The following KCNH8 variants were observed in gnomAD, a reference collection of about 807,000 sequenced individuals.
KCNH8 encodes the protein potassium voltage-gated channel subfamily H member 8.
KCNH8 carries 70 observed loss-of-function variants against 103.6 expected under a neutral mutation model. The ratio of observed to expected loss-of-function variants is 0.68; its 90% confidence interval spans 0.56 to 0.82. The LOEUF (loss-of-function observed/expected upper bound fraction) is 0.82, where lower values mean the gene tolerates loss of function less well. Among genes scored for constraint, KCNH8 ranks in the 40% least tolerant of loss-of-function variants. The probability of loss-of-function intolerance (pLI) is 0.00; values close to 1 mark genes in which losing one functional copy is unlikely to be tolerated. For synonymous variants in KCNH8, 498 were observed against 489.4 expected (o/e 1.02, Z -0.23); for missense variants, 1,217 against 1,329.9 (o/e 0.92, Z 1.32).
In KCNH8 at chr3:19,370,756, C is replaced by G. The variant is rs369416414; in HGVS notation, c.812-19725C>G. ...GTATATCTCCCAATGCTATCCCTCC[C>G]ACCTCCCCCCACCCAACAACAGTCC... On this transcript the variant is annotated intron_variant, in intron 5 of 15. Coordinates refer to ENST00000328405, the MANE Select transcript of KCNH8 (RefSeq NM_144633.3). 4.7e-5 allele frequency among the ~76,000 whole-genome samples: 7 copies of G among 149,540 alleles called. No individual in the cohort carries two copies. In the South Asian group the frequency reaches 6.5e-4, roughly 14 times the overall value.
intron 3 of KCNH8, among the ~76,000 whole-genome samples, chr3:19,285,654 A>G (rs575736060): frequency 6.6e-6 from 1 of 151,940 alleles, no homozygotes; most frequent in East Asian, 1.9e-4. Context: ...TATTATTCCT[A>G]TTCCCATTTA....
At chr3:19,327,370 G>C (rs754423364) in intron 3 of KCNH8, among the ~76,000 whole-genome samples, 14 of 152,132 alleles carry the variant, frequency 9.2e-5, no homozygotes, top group Admixed American at 1.3e-4. Context: ...GCTCACTGCA[G>C]CCTTCGTCTC....
chr3:19,323,776 C>T (rs75060411), intron 3 of KCNH8, among the ~76,000 whole-genome samples: 34 of 152,190 alleles, frequency 2.2e-4, no homozygotes, highest in Non-Finnish European at 3.4e-4. Context: ...ATTTCTCTTC[C>T]GGATCTAGCC....
chr3:19,499,746 T>A (rs2068532915), intron 11 of KCNH8, among the ~76,000 whole-genome samples: 1 of 152,030 alleles, frequency 6.6e-6, no homozygotes, highest in African/African-American at 2.4e-5. Flanking sequence ...GCTCAGAGAT[T>A]TTTGTCACCA....
At chr3:19,244,378 A>G (rs141094502) in intron 1 of KCNH8, among the ~76,000 whole-genome samples, 1 of 152,318 alleles carries the variant, frequency 6.6e-6, no homozygotes, top group East Asian at 1.9e-4. Context: ...TGTCTTTGCT[A>G]TTGTGCATAG....
At chr3:19,258,961 A>C (rs1244875385) in intron 2 of KCNH8, among the ~76,000 whole-genome samples, 115 of 132,340 alleles carry the variant, frequency 8.7e-4, no homozygotes, top group African/African-American at 1.4e-3. Flanking sequence ...ATATATATAT[A>C]TATATATATA....
chr3:19,261,215 A>C (rs1006944239), intron 2 of KCNH8, among the ~76,000 whole-genome samples: 1 of 151,638 alleles, frequency 6.6e-6, no homozygotes, highest in Non-Finnish European at 1.5e-5. Flanking sequence ...CATTCCTACC[A>C]ACAGTTTAGA....
At chr3:19,284,625 A>G (rs2064805444) in intron 3 of KCNH8, among the ~76,000 whole-genome samples, 1 of 151,262 alleles carries the variant, frequency 6.6e-6, no homozygotes, top group Non-Finnish European at 1.5e-5. Context: ...CTTTAAAACT[A>G]CCTTCTTTTT....
intron 7 of KCNH8, among the ~76,000 whole-genome samples, chr3:19,423,047 G>A (rs1452764886): frequency 6.6e-6 from 1 of 152,030 alleles, no homozygotes; most frequent in African/African-American, 2.4e-5. Context: ...GATCCACAAT[G>A]ATTAGAAATT....
chr3:19,390,722 A>G, intron 6 of KCNH8, 84 bp downstream of exon 6: 2 of 1,354,454 alleles, frequency 1.5e-6, no homozygotes, highest in Non-Finnish European at 2.0e-6. Flanking sequence ...GTGGCGATTT[A>G]TGCTTCCAGG....
chr3:19,499,135 T>C (rs955099101), intron 11 of KCNH8, among the ~76,000 whole-genome samples: 1 of 151,902 alleles, frequency 6.6e-6, no homozygotes, highest in Non-Finnish European at 1.5e-5. Context: ...GAGAACTACG[T>C]GAGGAATGCA....
At chr3:19,395,902 T>C (rs939860498) in intron 7 of KCNH8, among the ~76,000 whole-genome samples, 1 of 151,942 alleles carries the variant, frequency 6.6e-6, no homozygotes, top group African/African-American at 2.4e-5. Flanking sequence ...ACATAGGAGT[T>C]TAAGGGAGAT....
chr3:19,513,205 C>T lies in KCNH8; in HGVS notation c.2315C>T (p.Ser772Leu). 3 of 1,613,822 alleles carry T rather than the reference C, an allele frequency of 1.9e-6. No homozygotes were observed. Among genetic ancestry groups the T allele is most frequent in the Non-Finnish European group, 2.5e-6 (3 of 1,179,928 alleles). The change falls in exon 13 of 16, where the codon TCA (serine) becomes TTA (leucine). Residue 772 changes from serine (S) to leucine (L), a missense_variant. By Grantham distance (145) the Ser-to-Leu change is moderately radical. Transcript: ENST00000328405. ...CACTCGCCTATCAGAGTCTCCAGGT[C>T]AAATTCCCCCAAAACCAAGCAGGAA... ...PFHSPIRVSR[S>L]NSPKTKQEID...
chr3:19,166,245 GC>G (rs2063282360), intron 1 of KCNH8, among the ~76,000 whole-genome samples: 1 of 152,036 alleles, frequency 6.6e-6, no homozygotes, highest in Admixed American at 6.6e-5. Flanking sequence ...TCTTAAAATG[GC>G]TTTTTTATTT....
Position 19,372,034 on chromosome 3 carries a change from G to A in KCNH8, c.812-18447G>A, listed in dbSNP as rs1044563870. Among the ~76,000 whole-genome samples the A allele has an allele frequency of 5.8e-3, 886 of 152,284 alleles. 12 individuals carry two copies. The highest frequency in any genetic ancestry group is 0.02 in the African/African-American group (819 of 41,530). ...CTGTAGCCTTGTAGTATAGTTTGAA[G>A]TCAGATAGTGTGATGCCTCCAGGTT... is the stretch of plus-strand genomic sequence containing the variant. On this transcript the variant is annotated intron_variant, in intron 5 of 15. Coordinates refer to ENST00000328405, the MANE Select transcript of KCNH8 (RefSeq NM_144633.3).
rs1001032458 is a variant in KCNH8, at chr3:19,500,594, G to A, written c.2041-9769G>A. Among the ~76,000 whole-genome samples, 9 of 152,260 alleles carry A rather than the reference G, an allele frequency of 5.9e-5. No homozygotes were observed. In the East Asian group the frequency reaches 1.7e-3, roughly 29 times the overall value. On this transcript the variant is annotated intron_variant, in intron 11 of 15. Transcript: ENST00000328405. ...ATAACAAACTATCTCTCAGACCATAGTGCAATCAAACTAGAATTCAGGATT... is the reference window on the plus strand; with the variant it reads ...ATAACAAACTATCTCTCAGACCATAATGCAATCAAACTAGAATTCAGGATT...
intron 5 of KCNH8, among the ~76,000 whole-genome samples, chr3:19,358,416 A>C (rs2065908876): frequency 6.6e-6 from 1 of 151,862 alleles, no homozygotes; most frequent in Non-Finnish European, 1.5e-5. Flanking sequence ...CTATTGTACC[A>C]CCCACAGATT....
intron 1 of KCNH8, among the ~76,000 whole-genome samples, chr3:19,231,595 G>A (rs768855098): frequency 3.3e-5 from 5 of 152,060 alleles, no homozygotes; most frequent in Non-Finnish European, 7.4e-5. Context: ...GTGTTGAAAT[G>A]GTTCTTTCTA....
rs551555566 is a variant in KCNH8, at chr3:19,380,787, G to A, written c.812-9694G>A. On this transcript the variant is annotated intron_variant, in intron 5 of 15. Coordinates refer to ENST00000328405, the MANE Select transcript of KCNH8 (RefSeq NM_144633.3). ...TACATTACCGAAATCACGTGGGTGT[G>A]GCTTGATACTATTGATCTTTTTGTG... 1.5e-3 allele frequency among the ~76,000 whole-genome samples: 230 copies of A among 152,274 alleles called. 1 individual carries two copies. Among genetic ancestry groups the A allele is most frequent in the African/African-American group, 5.2e-3 (216 of 41,532 alleles).
Sources: gnomAD v4.1 joint callset for allele counts (sites outside exome capture counted in the v4.1 genomes callset) on GRCh38, gnomAD v4.1.1 for gene constraint, MANE v1.5 for transcripts, NCBI Gene and HGNC (gene_info 2026-07-23, HGNC 2026-07-21) for gene names.